TLK1: variants seen among roughly 807,000 people sequenced by gnomAD.
The protein encoded by TLK1 is serine/threonine-protein kinase tousled-like 1.
A neutral mutation model predicts 105.3 loss-of-function variants in TLK1; 24 were observed. That is an observed-to-expected ratio of 0.23 (90% CI 0.17 to 0.32). The LOEUF (loss-of-function observed/expected upper bound fraction) is 0.32. TLK1 is among the 10% of genes least tolerant of loss of function. The pLI is 1.00. For synonymous variants in TLK1, 321 were observed against 310.4 expected, an observed-to-expected ratio of 1.03 and a Z score of -0.36; for missense variants, 558 against 910.5, an observed-to-expected ratio of 0.61 and a Z score of 4.98.
At chr2:171,122,221 C>T (rs1690682210) in intron 1 of TLK1, among the ~76,000 whole-genome samples, 1 of 152,192 alleles carries the variant, frequency 6.6e-6, no homozygotes, top group Non-Finnish European at 1.5e-5. Context: ...ACCTCAGCCT[C>T]CCAAAGTGCT....
At chr2:171,130,324 C>A (rs1317868942) in intron 1 of TLK1, among the ~76,000 whole-genome samples, 1 of 152,122 alleles carries the variant, frequency 6.6e-6, no homozygotes, top group Non-Finnish European at 1.5e-5. Flanking sequence ...ATTGCTTGAA[C>A]CCAGGAGGCG....
chr2:171,204,783 AC>A (rs1167037467), intron 1 of TLK1, among the ~76,000 whole-genome samples: 1 of 151,762 alleles, frequency 6.6e-6, no homozygotes, highest in African/African-American at 2.4e-5. Flanking sequence ...ACATGGTGAA[AC>A]CCCATTTCTA....
At chr2:171,191,608 G>C (rs192172504) in intron 1 of TLK1, among the ~76,000 whole-genome samples, 1 of 152,162 alleles carries the variant, frequency 6.6e-6, no homozygotes. Context: ...GCCATTTTCA[G>C]GCATCTCACA....
intron 11 of TLK1, among the ~76,000 whole-genome samples, chr2:171,043,479 G>C (rs576336457): frequency 4.6e-5 from 7 of 152,220 alleles, no homozygotes; most frequent in Admixed American, 2.0e-4. Flanking sequence ...AGCTTTGTTA[G>C]GGTTATAGGG....
At chr2:171,041,286 A>C (rs1392056020) in intron 11 of TLK1, among the ~76,000 whole-genome samples, 1 of 152,248 alleles carries the variant, frequency 6.6e-6, no homozygotes, top group East Asian at 1.9e-4. Context: ...TTTCAACAGT[A>C]TAATGTAGAT....
At chr2:171,203,197 C>A (rs947283017) in intron 1 of TLK1, among the ~76,000 whole-genome samples, 3 of 151,838 alleles carry the variant, frequency 2.0e-5, no homozygotes, top group African/African-American at 7.3e-5. Context: ...TTAAAAAATA[C>A]CTCACAATAT....
intron 1 of TLK1, among the ~76,000 whole-genome samples, chr2:171,121,115 G>C (rs958679578): frequency 2.6e-5 from 4 of 152,068 alleles, no homozygotes; most frequent in African/African-American, 9.7e-5. Context: ...TTTCAGCTGA[G>C]GAAGACAGAA....
chr2:171,034,729 A>G (rs148540658), intron 11 of TLK1, among the ~76,000 whole-genome samples: 77 of 152,318 alleles, frequency 5.1e-4, no homozygotes, highest in African/African-American at 1.7e-3. Flanking sequence ...GGTTATTCGT[A>G]TGTTACATAA....
intron 1 of TLK1, among the ~76,000 whole-genome samples, chr2:171,138,927 A>C (rs943939796): frequency 6.6e-6 from 1 of 152,230 alleles, no homozygotes; most frequent in African/African-American, 2.4e-5. Context: ...CAATAAATTG[A>C]AACAGTAACT....
At chr2:171,069,968 C>T (rs1014613181) in intron 3 of TLK1, among the ~76,000 whole-genome samples, 5 of 152,134 alleles carry the variant, frequency 3.3e-5, no homozygotes, top group Non-Finnish European at 7.4e-5. Context: ...TGATTGTATA[C>T]TAGGAAATGC....
chr2:171,194,138 C>T (rs564148528), intron 1 of TLK1, among the ~76,000 whole-genome samples: 1 of 152,124 alleles, frequency 6.6e-6, no homozygotes, highest in South Asian at 2.1e-4. Flanking sequence ...AGTTGGGGCT[C>T]GCCATTGAAG....
intron 1 of TLK1, among the ~76,000 whole-genome samples, chr2:171,208,656 G>C (rs1441062072): frequency 6.6e-6 from 1 of 152,168 alleles, no homozygotes; most frequent in African/African-American, 2.4e-5. Context: ...TAATCCTAGT[G>C]CTGCTAAATG....
chr2:171,152,774 T>C (rs974505564), intron 1 of TLK1, among the ~76,000 whole-genome samples: 1 of 152,136 alleles, frequency 6.6e-6, no homozygotes, highest in African/African-American at 2.4e-5. Flanking sequence ...ATTCTAGTAT[T>C]TACTTGTTAT....
rs1159797922 is a variant in TLK1 at position 171,080,321 on chromosome 2, A to T, written c.330+2460T>A. Among the ~76,000 whole-genome samples the T allele has an allele frequency of 5.3e-5, 8 of 152,072 alleles. No homozygotes were observed. In the South Asian group the frequency reaches 6.2e-4, roughly 12 times the overall value. ...CAAAAGAATAGTGACATCAGAAGAC[A>T]ATGAAATACTTCATAAACTTTACTA... is the stretch of plus-strand genomic sequence containing the variant. On this transcript the variant is annotated intron_variant, in intron 3 of 20. Coordinates refer to ENST00000431350, the MANE Select transcript of TLK1 (RefSeq NM_012290.5).
chr2:171,020,300 A>G (rs935466768), intron 12 of TLK1, among the ~76,000 whole-genome samples: 3 of 151,888 alleles, frequency 2.0e-5, no homozygotes, highest in Admixed American at 1.3e-4. Flanking sequence ...CCAGCACTTC[A>G]GGAGGCTGAG....
At chr2:171,082,958 T>C in intron 2 of TLK1, 106 bp from the exon 3 acceptor site, 2 of 758,446 alleles carry the variant, frequency 2.6e-6, no homozygotes, top group South Asian at 3.6e-5. Flanking sequence ...TCTTCATAAA[T>C]AAATAAAGTA....
chr2:170,993,904 T>G lies in TLK1; in HGVS notation c.2177A>C (p.His726Pro). ...AAGGTATGGGTCATTTGCCAGCTGG[T>G]GCACATCAAATCGATCTTCTTTTCG... ...AYRKEDRFDV[H>P]QLANDPYLLP... The change falls in exon 21 of 21, where the codon CAC becomes CCC. Residue 726 changes from histidine to proline, a missense_variant. This residue lies in a region of TLK1 where 218 missense variants were observed against 492.9 expected (regional missense o/e 0.44). Coordinates refer to ENST00000431350, the MANE Select transcript of TLK1 (RefSeq NM_012290.5). 6.2e-7 allele frequency: 1 copy of G among 1,612,304 alleles called. No homozygotes were observed.
At chr2:171,135,739 C>T (rs1376143943) in intron 1 of TLK1, among the ~76,000 whole-genome samples, 4 of 151,936 alleles carry the variant, frequency 2.6e-5, no homozygotes, top group Non-Finnish European at 5.9e-5. Context: ...GAGGCAGAGG[C>T]TGCAGTGAGC....
intron 14 of TLK1, 35 bp downstream of exon 14, chr2:171,011,338 T>A: frequency 1.3e-6 from 2 of 1,556,834 alleles, no homozygotes; most frequent in South Asian, 1.2e-5. Context: ...CCTTGCTACA[T>A]TAGTGTAAAA....
Sources: gnomAD v4.1 joint callset for allele counts (sites outside exome capture counted in the v4.1 genomes callset) on GRCh38, gnomAD v4.1.1 for gene constraint, gnomAD v4.1.1 regional missense constraint, MANE v1.5 for transcripts, NCBI Gene and HGNC (gene_info 2026-07-23, HGNC 2026-07-21) for gene names.